The following ATAD3B variants were observed in gnomAD, a reference collection of about 807,000 sequenced individuals.
ATAD3B encodes ATPase family AAA domain containing 3B.
A neutral mutation model predicts 70.2 loss-of-function variants in ATAD3B; 59 were observed. The observed-to-expected ratio is 0.84, with a 90% CI of 0.68 to 1.04. The LOEUF is 1.04. Among genes scored for constraint, ATAD3B ranks in the 50% least tolerant of loss-of-function variants. The probability of loss-of-function intolerance (pLI) is 0.00; values close to 1 mark genes in which losing one functional copy is unlikely to be tolerated. For synonymous variants in ATAD3B, 423 were observed against 388.6 expected, an observed-to-expected ratio of 1.09 and a Z score of -1.04; for missense variants, 961 against 913.4, an observed-to-expected ratio of 1.05 and a Z score of -0.67.
In ATAD3B at chr1:1,494,118, C is replaced by T. The variant is rs141723619; in HGVS notation, c.1615-1367C>T. Among the ~76,000 whole-genome samples, 255 of 151,972 alleles carry T rather than the reference C, an allele frequency of 1.7e-3. 4 individuals are homozygous for T. The highest frequency in any genetic ancestry group is 3.7e-3 in the Admixed American group (56 of 15,244). On this transcript the variant is annotated intron_variant, in intron 15 of 15. Coordinates refer to ENST00000673477, the MANE Select transcript of ATAD3B (RefSeq NM_031921.6). ...GGGTAGCACAGAGAGCTCCCGGGCCCGGGGCCTTCCCACATGGTGAACATC... is the reference window on the plus strand; with the variant it reads ...GGGTAGCACAGAGAGCTCCCGGGCCTGGGGCCTTCCCACATGGTGAACATC...
In ATAD3B at chr1:1,487,845, C is replaced by T. The variant is rs1557810381; in HGVS notation, c.1215-18C>T. The T allele has an allele frequency of 1.2e-6, 2 of 1,612,336 alleles. No individual in the cohort carries two copies. Among genetic ancestry groups the T allele is most frequent in the Non-Finnish European group, 1.7e-6 (2 of 1,179,130 alleles). ...CTGGCGTCACTCTCGCCTTGCTTGGCCTCTCTCTCGTTCACAGCCTCCTGC... is the reference window on the plus strand; with the variant it reads ...CTGGCGTCACTCTCGCCTTGCTTGGTCTCTCTCTCGTTCACAGCCTCCTGC... On this transcript the variant is annotated intron_variant, in intron 11 of 15. Transcript: ENST00000673477.
chr1:1,489,076 G>T (rs1640387359), intron 12 of ATAD3B, 128 bp from the exon 13 acceptor site: 1 of 1,503,252 alleles, frequency 6.7e-7, no homozygotes, highest in Admixed American at 2.1e-5. Context: ...TCAGGATTTT[G>T]AGTTTAGATC....
downstream of ATAD3B, among the ~76,000 whole-genome samples, chr1:1,502,084 G>A (rs1386640962): frequency 6.6e-6 from 1 of 151,806 alleles, no homozygotes; most frequent in Non-Finnish European, 1.5e-5. Context: ...TCACCATGTT[G>A]GCCAGGCTGG....
In ATAD3B at chr1:1,492,931, T is replaced by A. The variant is rs1188733240; in HGVS notation, c.1614+2260T>A. Among the ~76,000 whole-genome samples, 5 of 138,486 alleles carry A rather than the reference T, an allele frequency of 3.6e-5. No individual in the cohort carries two copies. In the East Asian group the frequency reaches 1.1e-3, roughly 30 times the overall value. 90.9% of individuals were successfully genotyped at this position (138,486 alleles called of 152,430 possible). On this transcript the variant is annotated intron_variant, in intron 15 of 15. Coordinates refer to ENST00000673477, the MANE Select transcript of ATAD3B (RefSeq NM_031921.6). ...TCCATCCTGGGTGTCAGAGCGATACTCCATCTCCAAAAAAAAAAAAAAGAA... is the reference window on the plus strand; with the variant it reads ...TCCATCCTGGGTGTCAGAGCGATACACCATCTCCAAAAAAAAAAAAAAGAA...
the ATAD3B span, among the ~76,000 whole-genome samples, chr1:1,505,210 C>T: frequency 3.3e-5 from 5 of 152,090 alleles, no homozygotes; most frequent in Non-Finnish European, 7.3e-5. Flanking sequence ...ACGTGGGTCA[C>T]GTGTCCACTG....
rs746376098 is a variant in ATAD3B, at chr1:1,485,871, A to G, written c.963+33A>G. On this transcript the variant is annotated intron_variant, in intron 9 of 15. Coordinates refer to ENST00000673477, the MANE Select transcript of ATAD3B (RefSeq NM_031921.6). ...GGTGTGCCTGGGACCGGGGAGGTGC[A>G]GGGAGGGGACCCCGGAGCTGGGCTG... 5 of 1,612,352 alleles carry G rather than the reference A, an allele frequency of 3.1e-6. No homozygotes were observed. The Admixed American group carries it at 8.3e-5, about 27-fold the overall frequency.
chr1:1,495,266 A>ATT (rs1341769615), intron 15 of ATAD3B, among the ~76,000 whole-genome samples: 89 of 152,126 alleles, frequency 5.9e-4, no homozygotes, highest in African/African-American at 2.1e-3. Context: ...ATTGAGCAAC[A>ATT]GCAGTGCTGA....
At chr1:1,505,773 C>T in the ATAD3B span, among the ~76,000 whole-genome samples, 73 of 152,176 alleles carry the variant, frequency 4.8e-4, no homozygotes, top group Middle Eastern at 3.4e-3. Flanking sequence ...GATTATAGAG[C>T]GAGGATTATT....
Position 1,484,769 on chromosome 1 carries a change from C to G in ATAD3B, c.751-247C>G, listed in dbSNP as rs1441826339. The G allele has an allele frequency of 1.4e-5, 16 of 1,135,864 alleles. 1 individual carries two copies. In the East Asian group the frequency reaches 1.9e-4, roughly 13 times the overall value. The allele number at this position is 1,135,864 out of a possible 1,614,324, so 70.4% of individuals were successfully genotyped here. On this transcript the variant is annotated intron_variant, in intron 7 of 15. Coordinates refer to ENST00000673477, the MANE Select transcript of ATAD3B (RefSeq NM_031921.6). ...GGCCCCGCTCAGCGACCGAGGCTTT[C>G]TAGGATTTATGCTGCCAGTTGCAGA...
At chr1:1,495,420 C>A in intron 15 of ATAD3B, 65 bp from the exon 16 acceptor site, 1 of 1,534,086 alleles carries the variant, frequency 6.5e-7, no homozygotes, top group Non-Finnish European at 8.8e-7. Context: ...CCTCGGGGCC[C>A]TGGCGTGCAT....
At chr1:1,473,055 C>G (rs960541235) in intron 1 of ATAD3B, among the ~76,000 whole-genome samples, 4 of 150,434 alleles carry the variant, frequency 2.7e-5, no homozygotes, top group African/African-American at 9.8e-5. Context: ...CAACTCCTGA[C>G]CTCGTGATCC....
downstream of ATAD3B, among the ~76,000 whole-genome samples, chr1:1,501,501 C>T (rs1640945022): frequency 1.3e-5 from 2 of 152,076 alleles, no homozygotes; most frequent in Non-Finnish European, 2.9e-5. Flanking sequence ...GTGATCCGCC[C>T]GCCTCGGCCT....
chr1:1,505,849 C>T, the ATAD3B span, among the ~76,000 whole-genome samples: 3 of 152,298 alleles, frequency 2.0e-5, no homozygotes, highest in South Asian at 4.1e-4. Context: ...ATAATCATAT[C>T]TAAGATCTAT....
At position 1,494,528 on chromosome 1, in the gene ATAD3B, C is replaced by A. The variant is rs1037888715; in HGVS notation, c.1615-957C>A. Among the ~76,000 whole-genome samples the A allele has an allele frequency of 2.6e-5, 4 of 151,890 alleles. No homozygotes were observed. The East Asian group carries it at 7.7e-4, about 29-fold the overall frequency. On this transcript the variant is annotated intron_variant, in intron 15 of 15. Transcript: ENST00000673477. Reference sequence around the variant, plus strand: ...TCTCCTGCGCTCCCGGGCCCCCGACCCACAGTGGCGGTCCGGCTCCGGTCG... The same window carrying A: ...TCTCCTGCGCTCCCGGGCCCCCGACACACAGTGGCGGTCCGGCTCCGGTCG...
chr1:1,501,565 A>G (rs1056057032), downstream of ATAD3B, among the ~76,000 whole-genome samples: 8 of 151,634 alleles, frequency 5.3e-5, no homozygotes, highest in African/African-American at 1.9e-4. Context: ...TAATTTTTGT[A>G]TTTTTAGTAG....
chr1:1,486,041 C>G, intron 9 of ATAD3B, 69 bp from the exon 10 acceptor site: 1 of 1,608,786 alleles, frequency 6.2e-7, no homozygotes. Context: ...CGGGCATTCC[C>G]GCAGCCCCTG....
Position 1,494,576 on chromosome 1 carries a change from T to A in ATAD3B, c.1615-909T>A, listed in dbSNP as rs1219539265. Among the ~76,000 whole-genome samples, 2 of 151,816 alleles carry A rather than the reference T, an allele frequency of 1.3e-5. 1 individual carries two copies. The highest frequency in any genetic ancestry group is 2.9e-5 in the Non-Finnish European group (2 of 67,894). On this transcript the variant is annotated intron_variant, in intron 15 of 15. Coordinates refer to ENST00000673477, the MANE Select transcript of ATAD3B (RefSeq NM_031921.6). ...TCGGTGTCTCCCCACACAGTGGCTC[T>A]TGGCGAGGGGTGGGCGCTGGCAGAG...
chr1:1,476,794 C>T (rs1296724749), intron 1 of ATAD3B, among the ~76,000 whole-genome samples: 1 of 151,872 alleles, frequency 6.6e-6, no homozygotes, highest in Non-Finnish European at 1.5e-5. Flanking sequence ...AGGCGTGAGC[C>T]ACCACGCCCT....
rs146209827 is a variant in ATAD3B, at chr1:1,492,498, G to T, written c.1614+1827G>T. Reference sequence around the variant, plus strand: ...GAGACTGTCTCAAAAATAATAATAAGAAGAATAATAATTTGGGCTGGGCAC... The same window carrying T: ...GAGACTGTCTCAAAAATAATAATAATAAGAATAATAATTTGGGCTGGGCAC... On this transcript the variant is annotated intron_variant, in intron 15 of 15. Transcript: ENST00000673477. Among the ~76,000 whole-genome samples the T allele has an allele frequency of 1.0e-3, 151 of 149,946 alleles. 1 individual carries two copies. The highest frequency in any genetic ancestry group is 3.1e-3 in the African/African-American group (126 of 40,780).
Sources: allele counts gnomAD v4.1 joint callset (sites outside exome capture counted in the v4.1 genomes callset), GRCh38; gene constraint gnomAD v4.1.1; transcripts MANE v1.5; gene names NCBI Gene and HGNC (gene_info 2026-07-23, HGNC 2026-07-21).